The following EMC1 variants were observed in gnomAD, a reference collection of about 807,000 sequenced individuals.
The protein encoded by EMC1 is KIAA0090.
A neutral mutation model predicts 128.8 loss-of-function variants in EMC1; 103 were observed. That is an observed-to-expected ratio of 0.80 (90% CI 0.68 to 0.94). EMC1 has a LOEUF of 0.94. EMC1 is among the 40% of genes least tolerant of loss of function. The pLI is 0.00. For missense variants in EMC1, 1,083 were observed against 1,250.6 expected, an observed-to-expected ratio of 0.87 and a Z score of 2.02; for synonymous variants, 442 against 490.4, an observed-to-expected ratio of 0.90 and a Z score of 1.30.
At chr1:19,238,918 A>G (rs952368787) in intron 9 of EMC1, 61 bp from the exon 10 acceptor site, 1 of 1,186,200 alleles carries the variant, frequency 8.4e-7, no homozygotes, top group Non-Finnish European at 1.3e-6. Flanking sequence ...AGTCACTGAA[A>G]TGAAGCTTTT....
rs777418909 is a variant in EMC1 at position 19,244,017 on chromosome 1, TGA to T, written c.221-4_221-3del. ...TGCCCTTGTCAACATGGCGCCACAC[TGA>T]GAGACATGAAAGTTAGACATTACTA... On this transcript the variant is annotated splice_region_variant and splice_polypyrimidine_tract_variant and intron_variant, in intron 2 of 22. Coordinates refer to ENST00000477853, the MANE Select transcript of EMC1 (RefSeq NM_015047.3). The T allele has an allele frequency of 6.2e-7, 1 of 1,613,966 alleles. No individual in the cohort carries two copies. Among genetic ancestry groups the T allele is most frequent in the Non-Finnish European group, 8.5e-7 (1 of 1,179,938 alleles).
intron 18 of EMC1, among the ~76,000 whole-genome samples, chr1:19,227,033 C>T (rs1337473106): frequency 2.6e-5 from 4 of 151,552 alleles, no homozygotes; most frequent in Non-Finnish European, 4.4e-5. Context: ...TCACAGGAAA[C>T]AAACAAACAA....
At chr1:19,227,189 G>T in intron 18 of EMC1, 124 bp downstream of exon 18, 1 of 1,060,418 alleles carries the variant, frequency 9.4e-7, no homozygotes. Flanking sequence ...AAAAATTAAG[G>T]CTCAAAGGGA....
At chr1:19,225,810 C>A (rs1571982447) in intron 18 of EMC1, among the ~76,000 whole-genome samples, 1 of 150,438 alleles carries the variant, frequency 6.6e-6, no homozygotes, top group African/African-American at 2.5e-5. Context: ...CATGGCAAGA[C>A]CCTGTCTCAA....
At chr1:19,228,803 G>A (rs1025398105) in intron 17 of EMC1, among the ~76,000 whole-genome samples, 1 of 152,196 alleles carries the variant, frequency 6.6e-6, no homozygotes, top group African/African-American at 2.4e-5. Flanking sequence ...TGTAATCCCA[G>A]CACTTTCGGA....
intron 4 of EMC1, 73 bp from the exon 5 acceptor site, chr1:19,242,546 T>C: frequency 1.3e-6 from 2 of 1,540,346 alleles, no homozygotes; most frequent in Non-Finnish European, 1.8e-6. Flanking sequence ...TCCAGAACAG[T>C]ACCCACTGTT....
rs188675137 is a variant in EMC1, at chr1:19,230,544, C to T, written c.2064+300G>A. On this transcript the variant is annotated intron_variant, in intron 17 of 22. Transcript: ENST00000477853. Reference sequence around the variant, plus strand: ...GAGATCGCACCACTGCACTCCAGCCCGGGCGACAGTGCAAGACTCCATCTC... The same window carrying T: ...GAGATCGCACCACTGCACTCCAGCCTGGGCGACAGTGCAAGACTCCATCTC... Among the ~76,000 whole-genome samples, 300 of 151,682 alleles carry T rather than the reference C, an allele frequency of 2.0e-3. 1 individual carries two copies. The highest frequency in any genetic ancestry group is 6.6e-3 in the African/African-American group (272 of 41,336).
At chr1:19,251,390 T>C (rs771066404) in intron 1 of EMC1, 25 bp downstream of exon 1, 1 of 1,605,674 alleles carries the variant, frequency 6.2e-7, no homozygotes, top group Non-Finnish European at 8.5e-7. Context: ...CACTTATCTC[T>C]CGAATATGTT....
intron 2 of EMC1, 82 bp downstream of exon 2, chr1:19,244,824 C>T (rs1249770560): frequency 1.2e-5 from 18 of 1,534,982 alleles, no homozygotes; most frequent in Non-Finnish European, 1.5e-5. Context: ...GTTCCTTATT[C>T]AGGAATCAGC....
chr1:19,237,986 G>T, intron 11 of EMC1, 31 bp downstream of exon 11: 1 of 1,609,422 alleles, frequency 6.2e-7, no homozygotes, highest in East Asian at 2.2e-5. Context: ...GAAGCCCACA[G>T]GACAGTCTGC....
At chr1:19,241,793 C>A (rs1315853441) in intron 5 of EMC1, among the ~76,000 whole-genome samples, 1 of 152,186 alleles carries the variant, frequency 6.6e-6, no homozygotes, top group Non-Finnish European at 1.5e-5. Context: ...AGGCGTGAGA[C>A]ACCATGCCAG....
At position 19,239,781 on chromosome 1, in the gene EMC1, C is replaced by CTCCTGAA. The variant is rs546684761; in HGVS notation, c.954+30_954+36dup. ...TCTAGCATCCATGTCTTGGAGAGAT[C>CTCCTGAA]TCCTGAATCCTAGCAAACCATGTTG... On this transcript the variant is annotated intron_variant, in intron 8 of 22. Transcript: ENST00000477853. The CTCCTGAA allele has an allele frequency of 3.7e-4, 595 of 1,605,338 alleles. 2 individuals carry two copies. The African/African-American group carries it at 6.5e-3, about 18-fold the overall frequency.
chr1:19,234,567 C>G (rs1471714092), intron 13 of EMC1, among the ~76,000 whole-genome samples: 1 of 152,208 alleles, frequency 6.6e-6, no homozygotes, highest in East Asian at 1.9e-4. Context: ...TTTATTCCCC[C>G]CAGGCGCAGC....
chr1:19,243,887 A>C (rs2093619528), intron 3 of EMC1, 63 bp downstream of exon 3: 1 of 1,572,920 alleles, frequency 6.4e-7, no homozygotes, highest in Admixed American at 1.7e-5. Context: ...GTACAGATCA[A>C]GGAGCCAAGG....
chr1:19,225,126 T>C (rs780025979), intron 18 of EMC1, among the ~76,000 whole-genome samples: 1 of 152,204 alleles, frequency 6.6e-6, no homozygotes, highest in Non-Finnish European at 1.5e-5. Flanking sequence ...CACCCAACTA[T>C]GATGAAAGCC....
intron 3 of EMC1, 95 bp from the exon 4 acceptor site, chr1:19,243,802 G>C (rs546552047): frequency 6.9e-7 from 1 of 1,454,748 alleles, no homozygotes; most frequent in South Asian, 1.1e-5. Flanking sequence ...CTGATTTCTG[G>C]ATGCAAATAC....
chr1:19,245,786 G>A (rs993650474), intron 1 of EMC1, among the ~76,000 whole-genome samples: 9 of 150,906 alleles, frequency 6.0e-5, no homozygotes, highest in Non-Finnish European at 8.9e-5. Flanking sequence ...CACCACGCCC[G>A]GCTAATTTTT....
chr1:19,235,483 A>G (rs535240965), intron 12 of EMC1, among the ~76,000 whole-genome samples: 1 of 152,344 alleles, frequency 6.6e-6, no homozygotes, highest in South Asian at 2.1e-4. Flanking sequence ...CGGGCAGATC[A>G]CGAGGTCAGG....
At position 19,230,751 on chromosome 1, in the gene EMC1, T is replaced by C. The variant is rs1326206011; in HGVS notation, c.2064+93A>G. ...GGATTATGCTAATCTAAGTTTACAG[T>C]AGAATGAGTAGCATAATTCACTTCT... On this transcript the variant is annotated intron_variant, in intron 17 of 22. Transcript: ENST00000477853. 2.1e-6 allele frequency: 3 copies of C among 1,460,642 alleles called. No individual in the cohort carries two copies. The African/African-American group carries it at 4.2e-5, about 21-fold the overall frequency. The allele number at this position is 1,460,642 out of a possible 1,614,324, so 90.5% of individuals were successfully genotyped here. A position where few individuals can be genotyped will look rare whatever the true frequency, so the allele number is the denominator to read the frequency against.
Sources: gnomAD v4.1 joint callset for allele counts (sites outside exome capture counted in the v4.1 genomes callset) on GRCh38, gnomAD v4.1.1 for gene constraint, MANE v1.5 for transcripts, NCBI Gene and HGNC (gene_info 2026-07-23, HGNC 2026-07-21) for gene names.